MAP3K4: variants seen among roughly 807,000 people sequenced by gnomAD.
The protein encoded by MAP3K4 is MAP three kinase 1.
MAP3K4 carries 67 observed loss-of-function variants against 185.6 expected under a neutral mutation model. That is an observed-to-expected ratio of 0.36 (90% confidence interval 0.30 to 0.44). MAP3K4 has a LOEUF of 0.44. MAP3K4 is among the 20% of genes least tolerant of loss of function. The pLI, the probability that MAP3K4 is intolerant of heterozygous loss-of-function variation, is 1.00. For missense variants in MAP3K4, 1,551 were observed against 1,995.1 expected (o/e 0.78, Z 4.24); for synonymous variants, 702 against 710.4 (o/e 0.99, Z 0.19).
At position 161,113,790 on chromosome 6, in the gene MAP3K4, C is replaced by CTTTTT. The variant is rs963260228; in HGVS notation, c.4626+1037_4626+1041dup. ...TTTTTTTTACTTAGCATATGAGTGA[C>CTTTTT]TTTTTTTTTTTTTTTTTTTTTTTTT... On this transcript the variant is annotated intron_variant, in intron 25 of 26. Transcript: ENST00000392142. Among the ~76,000 whole-genome samples, 199 of 71,086 alleles carry CTTTTT rather than the reference C, an allele frequency of 2.8e-3. 7 individuals carry two copies. The highest frequency in any genetic ancestry group is 3.6e-3 in the Admixed American group (16 of 4,506). 46.6% of individuals were successfully genotyped at this position (71,086 alleles called of 152,430 possible). A position where few individuals can be genotyped will look rare whatever the true frequency, so the allele number is the denominator to read the frequency against.
At chr6:160,992,620 C>T (rs116131024) in intron 1 of MAP3K4, among the ~76,000 whole-genome samples, 3 of 152,124 alleles carry the variant, frequency 2.0e-5, no homozygotes, top group African/African-American at 7.2e-5. Flanking sequence ...CAGACAGATA[C>T]GTTGCTTTCC....
Position 161,109,974 on chromosome 6 carries a change from G to C in MAP3K4, c.4396+60G>C, listed in dbSNP as rs4709493. On this transcript the variant is annotated intron_variant, in intron 23 of 26. Coordinates refer to ENST00000392142, the MANE Select transcript of MAP3K4 (RefSeq NM_005922.4). This position sits in a 1 kb window ranked among gnomAD's most constrained non-coding sequence, Gnocchi z 5.7. ...AGCCACTGGTACCCAGCCCGTGGGA[G>C]GTGCTCTGAAGACGCTCATCCCATT... 0.88 allele frequency: 1,403,907 copies of C among 1,591,792 alleles called. 619,980 individuals carry two copies. Among genetic ancestry groups the C allele is most frequent in the East Asian group, 0.99 (44,368 of 44,666 alleles).
At chr6:161,028,051 C>T (rs578078422) in intron 1 of MAP3K4, among the ~76,000 whole-genome samples, 2 of 152,204 alleles carry the variant, frequency 1.3e-5, no homozygotes, top group African/African-American at 4.8e-5. Flanking sequence ...GGTTTAGGCC[C>T]GGGACTGGTC....
chr6:161,085,618 C>T (rs1158883507), intron 7 of MAP3K4, among the ~76,000 whole-genome samples: 1 of 152,076 alleles, frequency 6.6e-6, no homozygotes, highest in African/African-American at 2.4e-5. Context: ...TGTTTTTATG[C>T]CAAGGTTAAA....
rs1432181192 is a variant in MAP3K4, at chr6:161,115,382, G to T, written c.4806+80G>T. On this transcript the variant is annotated intron_variant, in intron 26 of 26. Transcript: ENST00000392142. The surrounding 1 kb of genome is among the most constrained non-coding windows in gnomAD (Gnocchi z 6.0). ...TGCATCAAGACGTTAATGAAATTTT[G>T]AAACTTTAAAGTAGCTATATCTGAA... 8.4e-6 allele frequency: 12 copies of T among 1,420,200 alleles called. No individual in the cohort carries two copies. Among genetic ancestry groups the T allele is most frequent in the Middle Eastern group, 1.8e-4 (1 of 5,456 alleles). 88.0% of individuals were successfully genotyped at this position (1,420,200 alleles called of 1,614,324 possible).
intron 1 of MAP3K4, among the ~76,000 whole-genome samples, chr6:160,993,953 C>T (rs1780870618): frequency 6.6e-6 from 1 of 152,022 alleles, no homozygotes; most frequent in Non-Finnish European, 1.5e-5. Flanking sequence ...TTTTTATGTC[C>T]TCGTTGTCAC....
intron 1 of MAP3K4, among the ~76,000 whole-genome samples, chr6:161,026,735 T>A (rs1315182725): frequency 1.5e-5 from 2 of 132,854 alleles, no homozygotes; most frequent in Non-Finnish European, 3.4e-5. Flanking sequence ...TCTCTCTCCT[T>A]TTTTTTTTTT....
intron 7 of MAP3K4, among the ~76,000 whole-genome samples, chr6:161,085,265 G>A (rs1785653227): frequency 1.3e-5 from 2 of 152,034 alleles, no homozygotes; most frequent in Non-Finnish European, 2.9e-5. Context: ...AAAAATCTGT[G>A]TAGTGGTCCA....
At position 161,043,977 on chromosome 6, in the gene MAP3K4, T is replaced by G. The variant is rs1783607705; in HGVS notation, c.344-4639T>G. ...TAATACATATTCTAAAGAGCCATTT[T>G]TAGTTGTAGATGGTGGGAATTCATT... On this transcript the variant is annotated intron_variant, in intron 2 of 26. Transcript: ENST00000392142. This position sits in a 1 kb window ranked among gnomAD's most constrained non-coding sequence, Gnocchi z 4.3. Among the ~76,000 whole-genome samples, 1 of 152,240 alleles carries G rather than the reference T, an allele frequency of 6.6e-6. No homozygotes were observed. The highest frequency in any genetic ancestry group is 1.5e-5 in the Non-Finnish European group (1 of 68,046).
chr6:161,094,929 TAAGG>T (rs1445574801), intron 15 of MAP3K4, among the ~76,000 whole-genome samples: 1 of 152,186 alleles, frequency 6.6e-6, no homozygotes, highest in East Asian at 1.9e-4. Context: ...TTTTATTAGA[TAAGG>T]AATCATTTTC....
Position 161,103,026 on chromosome 6 carries a change from C to A in MAP3K4, c.3856+247C>A, listed in dbSNP as rs1283640805. On this transcript the variant is annotated intron_variant, in intron 19 of 26. Transcript: ENST00000392142. This position sits in a 1 kb window ranked among gnomAD's most constrained non-coding sequence, Gnocchi z 4.6. ...AATATGTTTTACTCATCTTTATATTCTTAAAGCAACTTAGCATAATTTTTT... is the reference window on the plus strand; with the variant it reads ...AATATGTTTTACTCATCTTTATATTATTAAAGCAACTTAGCATAATTTTTT... Among the ~76,000 whole-genome samples, 1 of 152,100 alleles carries A rather than the reference C, an allele frequency of 6.6e-6. No homozygotes were observed. Among genetic ancestry groups the A allele is most frequent in the African/African-American group, 2.4e-5 (1 of 41,420 alleles).
chr6:161,092,926 C>T (rs571727810), intron 13 of MAP3K4, 52 bp from the exon 14 acceptor site: 18 of 1,062,512 alleles, frequency 1.7e-5, no homozygotes, highest in Middle Eastern at 2.0e-4. Flanking sequence ...TCTAAAACTG[C>T]TACAGCGTTT....
At position 161,048,508 on chromosome 6, in the gene MAP3K4, G is replaced by C. The variant is rs1583164816; in HGVS notation, c.344-108G>C. Reference sequence around the variant, plus strand: ...TGGTATGCTTTTTTTTCTTCCATTAGCAGTCTGAAAATATAAATATGTGTG... The same window carrying C: ...TGGTATGCTTTTTTTTCTTCCATTACCAGTCTGAAAATATAAATATGTGTG... On this transcript the variant is annotated intron_variant, in intron 2 of 26. Transcript: ENST00000392142. The surrounding 1 kb of genome is among the most constrained non-coding windows in gnomAD (Gnocchi z 4.7). The C allele has an allele frequency of 2.5e-5, 17 of 684,162 alleles. No homozygotes were observed. The East Asian group carries it at 4.9e-4, about 20-fold the overall frequency. The allele number at this position is 684,162 out of a possible 1,614,324, so 42.4% of individuals were successfully genotyped here.
At chr6:161,009,635 A>T (rs1781756416) in intron 1 of MAP3K4, among the ~76,000 whole-genome samples, 1 of 152,184 alleles carries the variant, frequency 6.6e-6, no homozygotes, top group Non-Finnish European at 1.5e-5. Context: ...TTATCCATTC[A>T]TCCATTGATG....
chr6:160,991,838 C>CGGAGGA lies in MAP3K4; in HGVS notation c.-90_-89insGAGGAG. 7.5e-7 allele frequency: 1 copy of CGGAGGA among 1,340,372 alleles called. No individual in the cohort carries two copies. The highest frequency in any genetic ancestry group is 9.6e-7 in the Non-Finnish European group (1 of 1,041,402). 83.0% of individuals were successfully genotyped at this position (1,340,372 alleles called of 1,614,324 possible). A position where few individuals can be genotyped will look rare whatever the true frequency, so the allele number is the denominator to read the frequency against. On this transcript the variant is annotated 5_prime_UTR_variant, in exon 1 of 27. Transcript: ENST00000392142. The surrounding 1 kb of genome is among the most constrained non-coding windows in gnomAD (Gnocchi z 5.7). ...TCCTGCGGCGGGGTAGAGGCGGAGG[C>CGGAGGA]GGAGTCGAGTCACTCCCGCACTTCG...
chr6:161,104,144 G>A (rs1244622817), intron 19 of MAP3K4, among the ~76,000 whole-genome samples: 1 of 152,182 alleles, frequency 6.6e-6, no homozygotes, highest in Non-Finnish European at 1.5e-5. Context: ...GCTGGGCACG[G>A]TGGTTCACGC....
At chr6:161,057,792 T>C (rs1784310704) in intron 3 of MAP3K4, among the ~76,000 whole-genome samples, 1 of 152,256 alleles carries the variant, frequency 6.6e-6, no homozygotes, top group South Asian at 2.1e-4. Context: ...ACAAGAACTT[T>C]GTAATTGAAT....
intron 2 of MAP3K4, among the ~76,000 whole-genome samples, chr6:161,042,227 T>C (rs78763283): frequency 0.076 from 11,585 of 152,194 alleles, 593 homozygotes; most frequent in African/African-American, 0.13. Context: ...GAAGAGGCTG[T>C]GTACTACAAA....
At position 160,991,859 on chromosome 6, in the gene MAP3K4, C is replaced by T. The variant is rs940684083; in HGVS notation, c.-73C>T. On this transcript the variant is annotated 5_prime_UTR_variant, in exon 1 of 27. Transcript: ENST00000392142. This position sits in a 1 kb window ranked among gnomAD's most constrained non-coding sequence, Gnocchi z 5.7. ...GAGGCGGAGTCGAGTCACTCCCGCA[C>T]TTCGGGGCTCCGGTGCCCCGCGCCA... The T allele has an allele frequency of 4.9e-6, 7 of 1,417,476 alleles. No individual in the cohort carries two copies. The highest frequency in any genetic ancestry group is 4.5e-5 in the African/African-American group (3 of 66,642). 87.8% of individuals were successfully genotyped at this position (1,417,476 alleles called of 1,614,324 possible).
Sources: allele counts gnomAD v4.1 joint callset (sites outside exome capture counted in the v4.1 genomes callset), GRCh38; gene constraint gnomAD v4.1.1; non-coding constraint Gnocchi (gnomAD v3.1); transcripts MANE v1.5; gene names NCBI Gene and HGNC (gene_info 2026-07-23, HGNC 2026-07-21).